The following TDRD3 variants were observed in gnomAD, a reference collection of about 807,000 sequenced individuals.
The protein encoded by TDRD3 is tudor domain-containing protein 3.
Under a neutral mutation model 86.7 loss-of-function variants are expected in TDRD3, and 45 were observed. The observed-to-expected ratio is 0.52, with a 90% confidence interval of 0.41 to 0.67. The LOEUF is 0.67. Ranked by LOEUF, TDRD3 falls within the 30% of genes least tolerant of loss-of-function variation. The probability of loss-of-function intolerance (pLI) is 0.00; values close to 1 mark genes in which losing one functional copy is unlikely to be tolerated. For missense variants in TDRD3, 814 were observed against 889.0 expected, an observed-to-expected ratio of 0.92 and a Z score of 1.07; for synonymous variants, 298 against 301.7, an observed-to-expected ratio of 0.99 and a Z score of 0.13.
intron 2 of TDRD3, among the ~76,000 whole-genome samples, chr13:60,443,898 T>G (rs1955340002): frequency 6.6e-6 from 1 of 151,974 alleles, no homozygotes; most frequent in Non-Finnish European, 1.5e-5. Context: ...ATCTTTTTTA[T>G]GAGTACTGAC....
In TDRD3 at chr13:60,397,257, T is replaced by TTTTTC. The variant is rs1357475793; in HGVS notation, c.-93_-89dup. 105 of 575,898 alleles carry TTTTTC rather than the reference T, an allele frequency of 1.8e-4. No homozygotes were observed. In the East Asian group the frequency reaches 2.7e-3, roughly 15 times the overall value. The allele number at this position is 575,898 out of a possible 1,614,324, so 35.7% of individuals were successfully genotyped here. A position where few individuals can be genotyped will look rare whatever the true frequency, so the allele number is the denominator to read the frequency against. ...CAGTTGCAGAGCCGACCAGAGGAGT[T>TTTTTC]TTTTCTTTTCTTTTCTTTTTTTTTT... On this transcript the variant is annotated 5_prime_UTR_variant, in exon 1 of 14. It introduces an in-frame stop codon into an upstream open reading frame of the 5' UTR. Coordinates refer to ENST00000377881, the MANE Select transcript of TDRD3 (RefSeq NM_001146070.2).
intron 12 of TDRD3, among the ~76,000 whole-genome samples, chr13:60,552,438 CT>C (rs1360461924): frequency 6.6e-6 from 1 of 152,226 alleles, no homozygotes; most frequent in Non-Finnish European, 1.5e-5. Context: ...AGCTCTGCCC[CT>C]GTGGCTCTGC....
chr13:60,424,644 C>T (rs1335729359), intron 1 of TDRD3, among the ~76,000 whole-genome samples: 1 of 151,940 alleles, frequency 6.6e-6, no homozygotes, highest in Non-Finnish European at 1.5e-5. Context: ...GCCACTGTAC[C>T]CCAGCCTGCG....
chr13:60,418,889 T>C (rs146676977), intron 1 of TDRD3, among the ~76,000 whole-genome samples: 9 of 152,358 alleles, frequency 5.9e-5, no homozygotes, highest in African/African-American at 2.2e-4. Context: ...TTGTCTGTAT[T>C]GGTAGTTCAT....
chr13:60,492,012 A>G (rs1956598786), intron 7 of TDRD3, among the ~76,000 whole-genome samples: 1 of 152,182 alleles, frequency 6.6e-6, no homozygotes, highest in Non-Finnish European at 1.5e-5. Flanking sequence ...TATGAGCAAA[A>G]AGATGTGGCT....
At chr13:60,538,461 C>T (rs529810638) in intron 12 of TDRD3, among the ~76,000 whole-genome samples, 1 of 150,966 alleles carries the variant, frequency 6.6e-6, no homozygotes, top group South Asian at 2.1e-4. Context: ...CTAGTTAACA[C>T]ACATGAGATG....
intron 1 of TDRD3, among the ~76,000 whole-genome samples, chr13:60,407,075 A>G (rs1175202193): frequency 6.6e-6 from 1 of 152,218 alleles, no homozygotes; most frequent in Non-Finnish European, 1.5e-5. Context: ...AAATTAAGCC[A>G]GTATTTTATA....
intron 1 of TDRD3, among the ~76,000 whole-genome samples, chr13:60,426,233 C>T (rs1338447628): frequency 1.3e-5 from 2 of 151,944 alleles, no homozygotes; most frequent in Non-Finnish European, 2.9e-5. Flanking sequence ...CAAAAAAGAG[C>T]TCAAATATAG....
chr13:60,423,040 T>C (rs1954702646), intron 1 of TDRD3, among the ~76,000 whole-genome samples: 1 of 152,122 alleles, frequency 6.6e-6, no homozygotes, highest in Non-Finnish European at 1.5e-5. Flanking sequence ...AATAAAATCC[T>C]TAGGACCGAC....
chr13:60,542,620 A>G (rs563537218), intron 12 of TDRD3, among the ~76,000 whole-genome samples: 2 of 152,298 alleles, frequency 1.3e-5, no homozygotes, highest in South Asian at 2.1e-4. Context: ...CTTGATGGTG[A>G]TGGACTAAAA....
intron 5 of TDRD3, among the ~76,000 whole-genome samples, chr13:60,471,502 G>C (rs1956075534): frequency 1.3e-5 from 2 of 151,510 alleles, no homozygotes; most frequent in Non-Finnish European, 2.9e-5. Flanking sequence ...TCAGTATTGA[G>C]ATTCCTTATG....
chr13:60,485,003 G>A (rs1956397656), intron 6 of TDRD3, among the ~76,000 whole-genome samples: 1 of 152,012 alleles, frequency 6.6e-6, no homozygotes, highest in South Asian at 2.1e-4. Flanking sequence ...TGGTTATAAA[G>A]TTCATTCTGA....
chr13:60,450,763 G>A (rs1955518715), intron 3 of TDRD3, among the ~76,000 whole-genome samples: 1 of 152,164 alleles, frequency 6.6e-6, no homozygotes, highest in African/African-American at 2.4e-5. Context: ...CCGTGTCAAT[G>A]TAGTGAAACA....
At chr13:60,494,070 G>A (rs1162090290) in intron 7 of TDRD3, among the ~76,000 whole-genome samples, 1 of 152,164 alleles carries the variant, frequency 6.6e-6, no homozygotes, top group Non-Finnish European at 1.5e-5. Flanking sequence ...TTGCCTGGTA[G>A]CTGGATTTAG....
At chr13:60,422,794 T>G (rs2137877982) in intron 1 of TDRD3, among the ~76,000 whole-genome samples, 1 of 152,230 alleles carries the variant, frequency 6.6e-6, no homozygotes, top group Non-Finnish European at 1.5e-5. Context: ...TATTATTCCT[T>G]TGGAATAATA....
chr13:60,471,146 A>G (rs1956069631), intron 5 of TDRD3, among the ~76,000 whole-genome samples: 1 of 152,084 alleles, frequency 6.6e-6, no homozygotes, highest in African/African-American at 2.4e-5. Context: ...GTGTCTTTTG[A>G]TGCACAGAAT....
At chr13:60,557,820 A>ATTTTTTTTTTTTTTTTTTTT (rs749028045) in intron 12 of TDRD3, among the ~76,000 whole-genome samples, 8 of 88,254 alleles carry the variant, frequency 9.1e-5, no homozygotes, top group Non-Finnish European at 1.3e-4. Context: ...TTTTTTCCTG[A>ATTTTTTTTTTTTTTTTTTTT]TTTTTTTTTT....
intron 5 of TDRD3, among the ~76,000 whole-genome samples, chr13:60,475,940 A>G (rs774817652): frequency 6.6e-6 from 1 of 152,004 alleles, no homozygotes; most frequent in Admixed American, 6.6e-5. Context: ...GGGATAGTAG[A>G]CCTTTGTTGG....
chr13:60,571,608 C>T (rs952288616), intron 13 of TDRD3, among the ~76,000 whole-genome samples: 1 of 152,170 alleles, frequency 6.6e-6, no homozygotes, highest in African/African-American at 2.4e-5. Flanking sequence ...TGATGAATGA[C>T]ACATGGTAGC....
Sources: allele counts gnomAD v4.1 joint callset (sites outside exome capture counted in the v4.1 genomes callset), GRCh38; gene constraint gnomAD v4.1.1; transcripts MANE v1.5; gene names NCBI Gene and HGNC (gene_info 2026-07-23, HGNC 2026-07-21).